The following ATP2C2 variants were observed in gnomAD, a reference collection of about 807,000 sequenced individuals.
ATP2C2 encodes the protein calcium-transporting ATPase type 2C member 2.
A neutral mutation model predicts 110.8 loss-of-function variants in ATP2C2; 171 were observed. The ratio of observed to expected loss-of-function variants is 1.54; its 90% CI spans 1.36 to 1.75. The LOEUF is 1.75. Ranked by LOEUF, ATP2C2 falls within the 40% of genes most tolerant of loss-of-function variation. The probability of loss-of-function intolerance (pLI) is 0.00; values close to 1 mark genes in which losing one functional copy is unlikely to be tolerated. For missense variants in ATP2C2, 1,963 were observed against 1,235.0 expected (o/e 1.59, Z -8.84); for synonymous variants, 804 against 508.4 (o/e 1.58, Z -7.82).
chr16:84,461,273 A>T (rs1911307951), intron 24 of ATP2C2: 1 of 285,828 alleles, frequency 3.5e-6, no homozygotes, highest in Admixed American at 4.9e-5. Flanking sequence ...GACCCATGTG[A>T]CCACACCACA....
intron 11 of ATP2C2, among the ~76,000 whole-genome samples, chr16:84,433,912 C>G (rs546460473): frequency 7.6e-4 from 116 of 152,280 alleles, no homozygotes; most frequent in African/African-American, 2.1e-3. Flanking sequence ...GGGCATCCCG[C>G]TTGATCCATG....
intron 16 of ATP2C2, among the ~76,000 whole-genome samples, chr16:84,447,837 G>A (rs1204964576): frequency 2.5e-5 from 3 of 118,426 alleles, no homozygotes; most frequent in Admixed American, 9.7e-5. Flanking sequence ...ATTAACATCT[G>A]TAATTAATAT....
intron 1 of ATP2C2, among the ~76,000 whole-genome samples, chr16:84,375,964 C>G (rs961361358): frequency 6.6e-6 from 1 of 151,400 alleles, no homozygotes; most frequent in African/African-American, 2.4e-5. Context: ...GTGGGGGTAG[C>G]TGGGTGGGTG....
intron 11 of ATP2C2, among the ~76,000 whole-genome samples, chr16:84,429,397 C>G (rs1431771823): frequency 6.6e-6 from 1 of 152,214 alleles, no homozygotes; most frequent in African/African-American, 2.4e-5. Flanking sequence ...AGGTGATCCA[C>G]CTGCCTCAGC....
intron 1 of ATP2C2, among the ~76,000 whole-genome samples, chr16:84,371,929 C>T (rs1054345801): frequency 6.6e-6 from 1 of 152,236 alleles, no homozygotes; most frequent in African/African-American, 2.4e-5. Context: ...GAGGCAGAGA[C>T]AGGCACCCAG....
At chr16:84,390,973 G>T (rs1183524221) in intron 1 of ATP2C2, among the ~76,000 whole-genome samples, 26 of 151,932 alleles carry the variant, frequency 1.7e-4, no homozygotes, top group Admixed American at 1.7e-3. Flanking sequence ...AATTAGCCCG[G>T]CGTGGTGGTG....
At chr16:84,390,692 G>A (rs180816958) in intron 1 of ATP2C2, among the ~76,000 whole-genome samples, 1 of 152,134 alleles carries the variant, frequency 6.6e-6, no homozygotes, top group African/African-American at 2.4e-5. Context: ...AAGTGTTTGG[G>A]GATGAGCTCC....
chr16:84,451,489 G>A (rs1008115625), intron 17 of ATP2C2, among the ~76,000 whole-genome samples: 1 of 152,222 alleles, frequency 6.6e-6, no homozygotes, highest in African/African-American at 2.4e-5. Context: ...TCAGGCTAGG[G>A]ACTTGTTGCC....
Position 84,422,888 on chromosome 16 carries a change from C to T in ATP2C2, c.843+191C>T, listed in dbSNP as rs577866736. On this transcript the variant is annotated intron_variant, in intron 9 of 26. Coordinates refer to ENST00000262429, the MANE Select transcript of ATP2C2 (RefSeq NM_014861.4). ...CCATGTTGCCCAGGCTGGTCTCAAA[C>T]TCCTGAGCTCAAGCAATCTGTCTGC... 3.3e-5 allele frequency among the ~76,000 whole-genome samples: 5 copies of T among 152,006 alleles called. No individual in the cohort carries two copies. The South Asian group carries it at 8.3e-4, about 25-fold the overall frequency.
chr16:84,368,797 C>G (rs775256029), intron 1 of ATP2C2, 83 bp downstream of exon 1: 1 of 1,206,392 alleles, frequency 8.3e-7, no homozygotes, highest in African/African-American at 1.7e-5. Flanking sequence ...CGAGACCCCG[C>G]GTTCGCGCTG....
At position 84,422,438 on chromosome 16, in the gene ATP2C2, C is replaced by T. The variant is rs538038991; in HGVS notation, c.673C>T (p.Pro225Ser). 54 of 1,614,124 alleles carry T rather than the reference C, an allele frequency of 3.3e-5. 1 individual carries two copies. In the South Asian group the frequency reaches 5.3e-4, roughly 16 times the overall value. ...ATCCAGTTTCACCGGGGAAGCCGAG[C>T]CATGTAGTAAAACAGACAGCCCCTT... Reference protein sequence around the residue: ...DESSFTGEAEPCSKTDSPLTG... With the variant: ...DESSFTGEAESCSKTDSPLTG... Residue 225 changes from proline to serine, a missense_variant, in exon 8 of 27, where the codon CCA (proline) becomes TCA (serine). Pro to Ser is a moderately conservative substitution (Grantham distance 74). Transcript: ENST00000262429.
intron 24 of ATP2C2, chr16:84,461,412 G>T: frequency 3.8e-6 from 2 of 524,822 alleles, no homozygotes; most frequent in Non-Finnish European, 6.8e-6. Context: ...CTTCACTCTG[G>T]GTTTAACTGG....
At chr16:84,431,250 G>T (rs939390438) in intron 11 of ATP2C2, among the ~76,000 whole-genome samples, 5 of 152,188 alleles carry the variant, frequency 3.3e-5, no homozygotes, top group East Asian at 1.9e-4. Context: ...TGTAATCACA[G>T]CACTTTGGGA....
At chr16:84,430,606 C>T (rs1313289135) in intron 11 of ATP2C2, among the ~76,000 whole-genome samples, 1 of 149,162 alleles carries the variant, frequency 6.7e-6, no homozygotes, top group Non-Finnish European at 1.5e-5. Flanking sequence ...CACTACTGCC[C>T]TCCAGCCTGG....
At chr16:84,409,999 G>A (rs569040738) in intron 4 of ATP2C2, among the ~76,000 whole-genome samples, 67 of 152,100 alleles carry the variant, frequency 4.4e-4, no homozygotes, top group Non-Finnish European at 7.6e-4. Flanking sequence ...ACGAGGTCAG[G>A]AGATCGAGAC....
chr16:84,441,777 C>G (rs1166576536), intron 14 of ATP2C2, among the ~76,000 whole-genome samples: 1 of 152,158 alleles, frequency 6.6e-6, no homozygotes, highest in Non-Finnish European at 1.5e-5. Flanking sequence ...TAAAAATTAG[C>G]TGGGCATGGT....
At chr16:84,388,249 C>T (rs1035458871) in intron 1 of ATP2C2, among the ~76,000 whole-genome samples, 9 of 151,850 alleles carry the variant, frequency 5.9e-5, no homozygotes, top group East Asian at 1.9e-4. Flanking sequence ...GGCTTGAACC[C>T]GGGAGGCAGA....
In ATP2C2 at chr16:84,450,061, G is replaced by C. The variant is rs753249059; in HGVS notation, c.1660+1372G>C. On this transcript the variant is annotated intron_variant, in intron 17 of 26. Transcript: ENST00000262429. Reference sequence around the variant, plus strand: ...TGTCTGCTGCGGAGCGTAATGACGCGTTCCAGGGACTTGCTCCAGGCCTTG... The same window carrying C: ...TGTCTGCTGCGGAGCGTAATGACGCCTTCCAGGGACTTGCTCCAGGCCTTG... 3.3e-5 allele frequency among the ~76,000 whole-genome samples: 5 copies of C among 152,374 alleles called. No homozygotes were observed. In the South Asian group the frequency reaches 1.0e-3, roughly 32 times the overall value.
intron 1 of ATP2C2, among the ~76,000 whole-genome samples, chr16:84,378,670 GCT>G (rs949294881): frequency 1.3e-5 from 2 of 152,334 alleles, no homozygotes; most frequent in African/African-American, 4.8e-5. Context: ...TGTGCTAGGC[GCT>G]GTGTCCATAG....
Sources: gnomAD v4.1 joint callset for allele counts (sites outside exome capture counted in the v4.1 genomes callset) on GRCh38, gnomAD v4.1.1 for gene constraint, MANE v1.5 for transcripts, NCBI Gene and HGNC (gene_info 2026-07-23, HGNC 2026-07-21) for gene names.